The following HOOK3 variants were observed in gnomAD, a reference collection of about 807,000 sequenced individuals.
HOOK3 encodes the protein protein Hook homolog 3.
In HOOK3, 24 loss-of-function variants were observed where a neutral mutation model predicts 116.3. The observed-to-expected ratio is 0.21, with a 90% CI of 0.15 to 0.29. HOOK3 has a LOEUF of 0.29. HOOK3 is among the 10% of genes least tolerant of loss of function. The pLI, the probability that HOOK3 is intolerant of heterozygous loss-of-function variation, is 1.00. For missense variants in HOOK3, 632 were observed against 830.2 expected (o/e 0.76, Z 2.93); for synonymous variants, 275 against 283.0 (o/e 0.97, Z 0.28).
At chr8:42,967,606 T>G (rs921991968) in intron 10 of HOOK3, among the ~76,000 whole-genome samples, 1 of 151,832 alleles carries the variant, frequency 6.6e-6, no homozygotes, top group Non-Finnish European at 1.5e-5. Flanking sequence ...AGAGAGGGAG[T>G]TATTACTCTC....
intron 6 of HOOK3, among the ~76,000 whole-genome samples, chr8:42,952,524 C>T (rs1808362009): frequency 1.3e-5 from 2 of 152,148 alleles, no homozygotes; most frequent in South Asian, 2.1e-4. Context: ...CCTTTGTTTC[C>T]CAGAGGTCAG....
intron 21 of HOOK3, among the ~76,000 whole-genome samples, chr8:43,014,517 A>C (rs763705547): frequency 1.4e-4 from 21 of 151,522 alleles, no homozygotes; most frequent in Non-Finnish European, 2.2e-4. Context: ...ACGCCCGAAT[A>C]ATTTTTGTAT....
intron 4 of HOOK3, among the ~76,000 whole-genome samples, chr8:42,940,627 C>T (rs543565565): frequency 6.6e-6 from 1 of 152,346 alleles, no homozygotes; most frequent in East Asian, 1.9e-4. Flanking sequence ...TGCTGTTAGT[C>T]TGATGGGCTT....
chr8:42,955,681 G>C (rs1808419875), intron 6 of HOOK3, among the ~76,000 whole-genome samples: 1 of 152,074 alleles, frequency 6.6e-6, no homozygotes, highest in African/African-American at 2.4e-5. Flanking sequence ...GAAATGATGG[G>C]CTAAGACTGA....
rs577778489 is a variant in HOOK3 at position 42,897,550 on chromosome 8, C to G, written c.57+362C>G. 1.4e-4 allele frequency among the ~76,000 whole-genome samples: 22 copies of G among 152,350 alleles called. No individual in the cohort carries two copies. The East Asian group carries it at 3.7e-3, about 25-fold the overall frequency. On this transcript the variant is annotated intron_variant, in intron 1 of 21. Transcript: ENST00000307602. ...TGTTGCCGCGTTCGCGGAGGACGGG[C>G]CCGGCTCCGGCCCGGGAACTGAAAG...
intron 13 of HOOK3, 73 bp downstream of exon 13, chr8:42,974,267 C>T (rs1808778022): frequency 3.6e-6 from 4 of 1,108,298 alleles, no homozygotes; most frequent in South Asian, 2.5e-5. Context: ...TCTTATTGCC[C>T]AGGCTGGAGT....
In HOOK3 at chr8:43,021,590, C is replaced by T. The variant is rs149591280; in HGVS notation, c.*3092C>T. On this transcript the variant is annotated 3_prime_UTR_variant, in exon 22 of 22. Coordinates refer to ENST00000307602, the MANE Select transcript of HOOK3 (RefSeq NM_032410.4). ...TGCTGAGATTACAGGCACGAGCCACCGCGCCCAGTCGTACTTCTGACTTTT... is the reference window on the plus strand; with the variant it reads ...TGCTGAGATTACAGGCACGAGCCACTGCGCCCAGTCGTACTTCTGACTTTT... 2,019 of 179,834 alleles carry T rather than the reference C, an allele frequency of 0.011. 46 individuals are homozygous for T. Among genetic ancestry groups the T allele is most frequent in the African/African-American group, 0.045 (1,890 of 42,428 alleles). 11.1% of individuals were successfully genotyped at this position (179,834 alleles called of 1,614,324 possible).
At chr8:42,987,147 G>A (rs1006857453) in intron 15 of HOOK3, among the ~76,000 whole-genome samples, 2 of 152,116 alleles carry the variant, frequency 1.3e-5, no homozygotes, top group East Asian at 1.9e-4. Flanking sequence ...GGGCAATAGA[G>A]CAAAACTCTG....
At chr8:43,006,372 T>G (rs918644072) in intron 17 of HOOK3, among the ~76,000 whole-genome samples, 2 of 151,906 alleles carry the variant, frequency 1.3e-5, no homozygotes. Flanking sequence ...TGGAGTGCAG[T>G]GGCACAATCT....
intron 4 of HOOK3, among the ~76,000 whole-genome samples, chr8:42,936,292 G>T (rs900356354): frequency 3.3e-5 from 5 of 152,210 alleles, no homozygotes; most frequent in African/African-American, 1.2e-4. Flanking sequence ...ATTTTGGGCT[G>T]AGATGATGGG....
At chr8:42,974,862 T>G (rs1433302375) in intron 13 of HOOK3, among the ~76,000 whole-genome samples, 1 of 152,172 alleles carries the variant, frequency 6.6e-6, no homozygotes, top group Non-Finnish European at 1.5e-5. Flanking sequence ...TGCCCCCTTA[T>G]TTTTGACCTC....
At chr8:42,907,835 A>AAAAAAC (rs1563288256) in intron 2 of HOOK3, among the ~76,000 whole-genome samples, 1 of 150,580 alleles carries the variant, frequency 6.6e-6, no homozygotes, top group African/African-American at 2.4e-5. Flanking sequence ...AAAAAAAAAA[A>AAAAAAC]AAAACAGTAA....
rs962766903 is a variant in HOOK3, at chr8:43,021,326, C to T, written c.*2828C>T. 2.7e-5 allele frequency: 5 copies of T among 187,522 alleles called. No homozygotes were observed. The highest frequency in any genetic ancestry group is 1.7e-4 in the East Asian group (2 of 11,690). The allele number at this position is 187,522 out of a possible 1,614,324, so 11.6% of individuals were successfully genotyped here. A position where few individuals can be genotyped will look rare whatever the true frequency, so the allele number is the denominator to read the frequency against. On this transcript the variant is annotated 3_prime_UTR_variant, in exon 22 of 22. Transcript: ENST00000307602. ...TTCTGACTTTTTTTTCCCCCCGAGA[C>T]GGAGCCTCGTTCCGTCACCCAGGCT...
In HOOK3 at chr8:43,024,135, A is replaced by G. The variant is rs1809889567; in HGVS notation, c.*5637A>G. 4.9e-6 allele frequency: 1 copy of G among 205,728 alleles called. No homozygotes were observed. Among genetic ancestry groups the G allele is most frequent in the Admixed American group, 6.0e-5 (1 of 16,768 alleles). The allele number at this position is 205,728 out of a possible 1,614,324, so 12.7% of individuals were successfully genotyped here. On this transcript the variant is annotated 3_prime_UTR_variant, in exon 22 of 22. Transcript: ENST00000307602. ...AGAACATCTTTGTTTCTAAAGTGAGAGGAAAGTGCTTGGTATCTTGCTTTT... is the reference window on the plus strand; with the variant it reads ...AGAACATCTTTGTTTCTAAAGTGAGGGGAAAGTGCTTGGTATCTTGCTTTT...
At chr8:42,974,639 C>T (rs537219425) in intron 13 of HOOK3, among the ~76,000 whole-genome samples, 1 of 152,354 alleles carries the variant, frequency 6.6e-6, no homozygotes, top group South Asian at 2.1e-4. Flanking sequence ...GTGCGCTCCT[C>T]CTCGCAAAGC....
rs1809919011 is a variant in HOOK3, at chr8:43,025,601, A to C, written c.*7103A>C. On this transcript the variant is annotated 3_prime_UTR_variant, in exon 22 of 22. Transcript: ENST00000307602. ...TTAACTAGGTGCATAATGTAGTTGT[A>C]TATGTTTACTAGTAAAGGGAAAAAC... 4.8e-6 allele frequency: 1 copy of C among 210,372 alleles called. No individual in the cohort carries two copies. The highest frequency in any genetic ancestry group is 2.3e-5 in the African/African-American group (1 of 44,110). The allele number at this position is 210,372 out of a possible 1,614,324, so 13.0% of individuals were successfully genotyped here.
At chr8:42,976,020 A>G (rs1281012847) in intron 13 of HOOK3, among the ~76,000 whole-genome samples, 1 of 149,730 alleles carries the variant, frequency 6.7e-6, no homozygotes, top group African/African-American at 2.5e-5. Context: ...GTAGATGTAG[A>G]TGTGTGTGTG....
At chr8:42,974,272 T>G (rs1808778158) in intron 13 of HOOK3, 78 bp downstream of exon 13, 2 of 1,012,270 alleles carry the variant, frequency 2.0e-6, no homozygotes, top group Non-Finnish European at 3.1e-6. Context: ...TTGCCCAGGC[T>G]GGAGTGCAAT....
intron 11 of HOOK3, among the ~76,000 whole-genome samples, chr8:42,973,066 G>A (rs374611731): frequency 2.0e-5 from 3 of 152,122 alleles, no homozygotes; most frequent in African/African-American, 2.4e-5. Flanking sequence ...CTATAGATTC[G>A]TTTATGATTT....
Sources: allele counts gnomAD v4.1 joint callset (sites outside exome capture counted in the v4.1 genomes callset), GRCh38; gene constraint gnomAD v4.1.1; transcripts MANE v1.5; gene names NCBI Gene and HGNC (gene_info 2026-07-23, HGNC 2026-07-21).